ZNRF3: variants seen among roughly 807,000 people sequenced by gnomAD.
ZNRF3 encodes E3 ubiquitin-protein ligase ZNRF3.
ZNRF3 carries 23 observed loss-of-function variants against 72.5 expected under a neutral mutation model. That is an observed-to-expected ratio of 0.32 (90% CI 0.23 to 0.45). The LOEUF (loss-of-function observed/expected upper bound fraction) is 0.45, where lower values mean the gene tolerates loss of function less well. Ranked by LOEUF, ZNRF3 falls within the 20% of genes least tolerant of loss-of-function variation. ZNRF3 has a pLI of 1.00. For synonymous variants in ZNRF3, 610 were observed against 545.3 expected (o/e 1.12, Z -1.65); for missense variants, 1,169 against 1,272.1 (o/e 0.92, Z 1.23).
At chr22:29,006,201 TATC>T (rs572853273) in intron 2 of ZNRF3, among the ~76,000 whole-genome samples, 4 of 144,442 alleles carry the variant, frequency 2.8e-5, no homozygotes, top group South Asian at 2.2e-4. Flanking sequence ...TCAAGGTTCT[TATC>T]ATCCGTTTCT....
chr22:28,923,159 T>A (rs1012952249), intron 1 of ZNRF3, among the ~76,000 whole-genome samples: 1 of 152,246 alleles, frequency 6.6e-6, no homozygotes, highest in Non-Finnish European at 1.5e-5. Flanking sequence ...GGGCCATTTC[T>A]AATCTGATTT....
intron 1 of ZNRF3, among the ~76,000 whole-genome samples, chr22:28,936,054 C>G (rs981294964): frequency 2.0e-5 from 3 of 152,198 alleles, no homozygotes; most frequent in Non-Finnish European, 4.4e-5. Flanking sequence ...TCTCCATGTT[C>G]TCCTTGGCAC....
chr22:28,911,861 C>A (rs140824522), intron 1 of ZNRF3, among the ~76,000 whole-genome samples: 2 of 151,994 alleles, frequency 1.3e-5, no homozygotes, highest in African/African-American at 4.8e-5. Flanking sequence ...TAGGATTAGG[C>A]AATAGAGTGG....
At chr22:29,019,203 C>A (rs1300219601) in intron 2 of ZNRF3, among the ~76,000 whole-genome samples, 1 of 151,960 alleles carries the variant, frequency 6.6e-6, no homozygotes, top group Non-Finnish European at 1.5e-5. Context: ...TTGCTCATGT[C>A]CCATTGACCA....
rs1455135074 is a variant in ZNRF3 at position 29,055,539 on chromosome 22, C to G, written c.*1917C>G. The G allele has an allele frequency of 6.6e-6, 1 of 152,254 alleles. No homozygotes were observed. The highest frequency in any genetic ancestry group is 1.5e-5 in the Non-Finnish European group (1 of 68,052). The allele number at this position is 152,254 out of a possible 1,614,324, so 9.4% of individuals were successfully genotyped here. A position where few individuals can be genotyped will look rare whatever the true frequency, so the allele number is the denominator to read the frequency against. ...CAAAACATTTGCCACTGAGGCTTCA[C>G]TGGTGAGATCCGTTCTCCGTCCTCG... is the stretch of plus-strand genomic sequence containing the variant. On this transcript the variant is annotated 3_prime_UTR_variant, in exon 9 of 9. Transcript: ENST00000544604.
chr22:28,907,021 C>T (rs2034220269), intron 1 of ZNRF3, among the ~76,000 whole-genome samples: 1 of 147,878 alleles, frequency 6.8e-6, no homozygotes, highest in Admixed American at 6.8e-5. Context: ...CTCGCTCTGT[C>T]GCCCAGGCTG....
At chr22:28,899,059 C>A (rs2034056955) in intron 1 of ZNRF3, among the ~76,000 whole-genome samples, 1 of 151,296 alleles carries the variant, frequency 6.6e-6, no homozygotes, top group South Asian at 2.1e-4. Context: ...TTTCAGGCTG[C>A]CTTTTCATGG....
chr22:28,998,904 A>T (rs1334750943), intron 2 of ZNRF3, among the ~76,000 whole-genome samples: 6 of 151,720 alleles, frequency 4.0e-5, no homozygotes, highest in Middle Eastern at 6.8e-3. Context: ...AGCTCTAGAC[A>T]CTCCTCCCTG....
intron 1 of ZNRF3, among the ~76,000 whole-genome samples, chr22:28,949,558 G>A (rs2035118983): frequency 6.6e-6 from 1 of 152,128 alleles, no homozygotes; most frequent in African/African-American, 2.4e-5. Flanking sequence ...GGGATTAAGC[G>A]TGCACCACTG....
At chr22:28,933,087 C>T (rs2034739988) in intron 1 of ZNRF3, among the ~76,000 whole-genome samples, 1 of 152,226 alleles carries the variant, frequency 6.6e-6, no homozygotes. Flanking sequence ...TTTTAGAATA[C>T]AGACTTCCCT....
At chr22:28,975,188 G>T (rs1234932498) in intron 1 of ZNRF3, among the ~76,000 whole-genome samples, 1 of 152,070 alleles carries the variant, frequency 6.6e-6, no homozygotes, top group East Asian at 1.9e-4. Context: ...GGAGTCCGAG[G>T]CGGGCGGATC....
chr22:29,032,357 T>A (rs1228597598), intron 2 of ZNRF3, among the ~76,000 whole-genome samples: 1 of 152,092 alleles, frequency 6.6e-6, no homozygotes, highest in Non-Finnish European at 1.5e-5. Context: ...AGCTTTGATA[T>A]CCAGAGATGA....
intron 1 of ZNRF3, among the ~76,000 whole-genome samples, chr22:28,984,071 T>C (rs2042963408): frequency 6.6e-6 from 1 of 151,702 alleles, no homozygotes; most frequent in Non-Finnish European, 1.5e-5. Flanking sequence ...AGGGCAGTGC[T>C]AGGCAGGGCG....
intron 1 of ZNRF3, among the ~76,000 whole-genome samples, chr22:28,939,424 C>T (rs183385665): frequency 2.4e-4 from 36 of 152,072 alleles, no homozygotes; most frequent in Middle Eastern, 3.4e-3. Context: ...TTAGCATAAA[C>T]GTATAATCTC....
intron 8 of ZNRF3, among the ~76,000 whole-genome samples, chr22:29,051,628 A>G (rs2037208929): frequency 6.7e-6 from 1 of 148,250 alleles, no homozygotes; most frequent in African/African-American, 2.5e-5. Flanking sequence ...AAAAAAAGGC[A>G]GGACCCAGTG....
intron 1 of ZNRF3, among the ~76,000 whole-genome samples, chr22:28,917,741 G>A (rs181453659): frequency 1.8e-3 from 279 of 152,302 alleles, no homozygotes; most frequent in African/African-American, 6.3e-3. Context: ...CTGCCCCTTG[G>A]AAAGGATCTC....
intron 2 of ZNRF3, among the ~76,000 whole-genome samples, chr22:29,032,413 A>G (rs1185696099): frequency 1.3e-5 from 2 of 152,222 alleles, no homozygotes; most frequent in South Asian, 2.1e-4. Context: ...AACAAGGCCA[A>G]GCCACTTTTA....
chr22:28,901,645 T>G (rs1452293270), intron 1 of ZNRF3, among the ~76,000 whole-genome samples: 1 of 148,468 alleles, frequency 6.7e-6, no homozygotes, highest in Non-Finnish European at 1.5e-5. Flanking sequence ...CTTTTTTTTT[T>G]TTTTTTTTTT....
chr22:28,975,067 TTTTC>T (rs1450104041), intron 1 of ZNRF3, among the ~76,000 whole-genome samples: 2 of 152,230 alleles, frequency 1.3e-5, no homozygotes, highest in African/African-American at 4.8e-5. Flanking sequence ...GGAACTTTTT[TTTTC>T]TTTCTAAGTT....
Sources: gnomAD v4.1 joint callset for allele counts (sites outside exome capture counted in the v4.1 genomes callset) on GRCh38, gnomAD v4.1.1 for gene constraint, MANE v1.5 for transcripts, NCBI Gene and HGNC (gene_info 2026-07-23, HGNC 2026-07-21) for gene names.